Variants in EVI5L observed in about 807,000 individuals in gnomAD.
EVI5L encodes ecotropic viral integration site 5 like, also known as EVI5-like protein.
In EVI5L, 30 loss-of-function variants were observed where a neutral mutation model predicts 106.1. The observed-to-expected ratio is 0.28, with a 90% CI of 0.21 to 0.38. The LOEUF (loss-of-function observed/expected upper bound fraction) is 0.38. Ranked by LOEUF, EVI5L falls within the 10% of genes least tolerant of loss-of-function variation. EVI5L has a pLI of 1.00. For missense variants in EVI5L, 809 were observed against 1,098.0 expected, an observed-to-expected ratio of 0.74 and a Z score of 3.72; for synonymous variants, 489 against 483.3, an observed-to-expected ratio of 1.01 and a Z score of -0.15.
intron 13 of EVI5L, among the ~76,000 whole-genome samples, chr19:7,859,787 G>A (rs566953159): frequency 6.6e-6 from 1 of 152,370 alleles, no homozygotes; most frequent in South Asian, 2.1e-4. Flanking sequence ...CCCAAAGGGA[G>A]GCCACTGCAG....
chr19:7,863,443 C>T lies in EVI5L; in HGVS notation c.2159C>T (p.Pro720Leu). ...CCCCAGGTGCGGCTGCTGAAGGGCC[C>T]GCCGCCCTTCGAGGACCCGCTGGCT... ...LKAEVRLLKG[P>L]PPFEDPLAFD... The change falls in exon 20 of 20, where the codon CCG becomes CTG. Residue 720 changes from proline to leucine, a missense_variant. Coordinates refer to ENST00000538904, the MANE Select transcript of EVI5L (RefSeq NM_001159944.3). The surrounding 1 kb of genome is among the most constrained non-coding windows in gnomAD (Gnocchi z 7.7). The T allele has an allele frequency of 6.5e-7, 1 of 1,549,776 alleles. No homozygotes were observed. Among genetic ancestry groups the T allele is most frequent in the Non-Finnish European group, 8.7e-7 (1 of 1,148,134 alleles).
chr19:7,851,544 C>A lies in EVI5L; in HGVS notation c.864C>A (p.Val288=). ...TCCTGACCACCTTCCCACTCCCCGT[C>A]GCCACCCGGGTCTTTGACATCTTCA... ...TLFLTTFPLP[V]ATRVFDIFMY... The change falls in exon 7 of 20, where the codon GTC becomes GTA. Residue 288 remains valine (V), a synonymous_variant. Coordinates refer to ENST00000538904, the MANE Select transcript of EVI5L (RefSeq NM_001159944.3). 6.2e-7 allele frequency: 1 copy of A among 1,612,966 alleles called. No homozygotes were observed. The highest frequency in any genetic ancestry group is 8.5e-7 in the Non-Finnish European group (1 of 1,179,530).
At chr19:7,852,276 C>A (rs769138378) in intron 8 of EVI5L, among the ~76,000 whole-genome samples, 10 of 152,248 alleles carry the variant, frequency 6.6e-5, no homozygotes, top group African/African-American at 2.4e-4. Context: ...GCCCCCTCCC[C>A]GCGTCCTCCA....
chr19:7,839,884 G>A (rs1227729526), intron 1 of EVI5L, among the ~76,000 whole-genome samples: 3 of 151,960 alleles, frequency 2.0e-5, no homozygotes, highest in Admixed American at 2.0e-4. Context: ...CTGGGAAACA[G>A]AGCAAGACCT....
rs972384419 is a variant in EVI5L, at chr19:7,856,880, G to A, written c.1201-212G>A. 1.7e-5 allele frequency: 12 copies of A among 704,224 alleles called. No individual in the cohort carries two copies. Among genetic ancestry groups the A allele is most frequent in the African/African-American group, 1.4e-4 (8 of 57,274 alleles). 43.6% of individuals were successfully genotyped at this position (704,224 alleles called of 1,614,324 possible). On this transcript the variant is annotated intron_variant, in intron 11 of 19. Transcript: ENST00000538904. This position sits in a 1 kb window ranked among gnomAD's most constrained non-coding sequence, Gnocchi z 6.6. ...CACCCCCGACCTCCCCGCTCACACC[G>A]AACCCCTCTCCAGGACGGAGCTGGC...
rs181774862 is a variant in EVI5L, at chr19:7,855,039, G to A, written c.1147-976G>A. 2.3e-4 allele frequency among the ~76,000 whole-genome samples: 35 copies of A among 152,020 alleles called. No individual in the cohort carries two copies. In the East Asian group the frequency reaches 5.4e-3, roughly 24 times the overall value. ...CAAGCAAGGGGGCACAGGTACAGTC[G>A]AGATTCAACTCGTTTGCAAACCTCA... On this transcript the variant is annotated intron_variant, in intron 10 of 19. Coordinates refer to ENST00000538904, the MANE Select transcript of EVI5L (RefSeq NM_001159944.3).
In EVI5L at chr19:7,863,341, G is replaced by A. The variant is rs1417790296; in HGVS notation, c.2139+61G>A. 3.1e-5 allele frequency: 48 copies of A among 1,546,022 alleles called. No individual in the cohort carries two copies. The highest frequency in any genetic ancestry group is 4.0e-5 in the Non-Finnish European group (46 of 1,145,114). The stretch of plus-strand genomic sequence containing the variant: ...GTGTCGTCGGCCTGGGACGAGCCGA[G>A]CGCAGGTGCCTTGCGGAGGATGCGG... On this transcript the variant is annotated intron_variant, in intron 19 of 19. Transcript: ENST00000538904. This position sits in a 1 kb window ranked among gnomAD's most constrained non-coding sequence, Gnocchi z 7.7.
chr19:7,857,491 TGCACACACACACAC>T lies in EVI5L; in HGVS notation c.1233+378_1233+391del, dbSNP rs1316652579. 6 of 436,080 alleles carry T rather than the reference TGCACACACACACAC, an allele frequency of 1.4e-5. No individual in the cohort carries two copies. Among genetic ancestry groups the T allele is most frequent in the Non-Finnish European group, 2.6e-5 (6 of 235,016 alleles). 27.0% of individuals were successfully genotyped at this position (436,080 alleles called of 1,614,324 possible). ...TGCGGTCACACACACACACAACACA[TGCACACACACACAC>T]GCACACACACGCCCGGCCCTCACGC... On this transcript the variant is annotated intron_variant, in intron 12 of 19. Transcript: ENST00000538904. The surrounding 1 kb of genome is among the most constrained non-coding windows in gnomAD (Gnocchi z 4.5).
intron 1 of EVI5L, among the ~76,000 whole-genome samples, chr19:7,838,463 G>A (rs917374214): frequency 5.9e-5 from 9 of 152,306 alleles, no homozygotes; most frequent in South Asian, 2.1e-4. Context: ...AGACCACAGG[G>A]GTGAAGGGTC....
At chr19:7,853,477 A>G (rs1979364066) in intron 10 of EVI5L, 144 bp downstream of exon 10, 1 of 1,109,944 alleles carries the variant, frequency 9.0e-7, no homozygotes, top group Non-Finnish European at 1.3e-6. Flanking sequence ...GCCTCCGCCC[A>G]CCTGCGCCGT....
chr19:7,838,680 C>T (rs888327303), intron 1 of EVI5L, among the ~76,000 whole-genome samples: 11 of 152,074 alleles, frequency 7.2e-5, no homozygotes, highest in African/African-American at 2.7e-4. Context: ...TCAAATCGTG[C>T]ATGACCCTAG....
intron 1 of EVI5L, among the ~76,000 whole-genome samples, chr19:7,843,336 ATG>A (rs1257175636): frequency 6.2e-4 from 75 of 121,710 alleles, no homozygotes; most frequent in Admixed American, 1.7e-3. Context: ...TTGAGTGTGC[ATG>A]TGTGTGTATA....
chr19:7,857,031 G>C lies in EVI5L; in HGVS notation c.1201-61G>C. ...GGTTCTTGTCTGTCTCCCCTCTCCT[G>C]TCCCCGCGCCTTCCGCTCTGCCTCC... On this transcript the variant is annotated intron_variant, in intron 11 of 19. Coordinates refer to ENST00000538904, the MANE Select transcript of EVI5L (RefSeq NM_001159944.3). The surrounding 1 kb of genome is among the most constrained non-coding windows in gnomAD (Gnocchi z 4.5). 1 of 1,537,084 alleles carries C rather than the reference G, an allele frequency of 6.5e-7. No homozygotes were observed. The highest frequency in any genetic ancestry group is 8.8e-7 in the Non-Finnish European group (1 of 1,133,756).
chr19:7,842,624 C>T lies in EVI5L; in HGVS notation c.-47-3872C>T, dbSNP rs117470573. ...TGCATGGGTGTGTATCAAGTGTGTG[C>T]GTGTGTGAAAATATGTGAATGTGGG... On this transcript the variant is annotated intron_variant, in intron 1 of 19. Transcript: ENST00000538904. 9.3e-3 allele frequency among the ~76,000 whole-genome samples: 1,366 copies of T among 147,550 alleles called. 6 individuals are homozygous for T. Among genetic ancestry groups the T allele is most frequent in the Non-Finnish European group, 0.012 (796 of 66,794 alleles).
At position 7,835,172 on chromosome 19, in the gene EVI5L, AT is replaced by A. The variant is rs1454417535; in HGVS notation, c.-48+4793del. Among the ~76,000 whole-genome samples the A allele has an allele frequency of 4.6e-5, 7 of 151,774 alleles. No homozygotes were observed. Among genetic ancestry groups the A allele is most frequent in the Admixed American group, 1.3e-4 (2 of 15,208 alleles). On this transcript the variant is annotated intron_variant, in intron 1 of 19. Transcript: ENST00000538904. The surrounding 1 kb of genome is among the most constrained non-coding windows in gnomAD (Gnocchi z 4.1). The stretch of plus-strand genomic sequence containing the variant: ...ATAAAAATAAAAATAAACAAAAAAA[AT>A]TGAGGCAAAATACATCATACCCAAG...
At chr19:7,853,862 G>T (rs760675226) in intron 10 of EVI5L, among the ~76,000 whole-genome samples, 19 of 152,188 alleles carry the variant, frequency 1.2e-4, no homozygotes, top group Admixed American at 3.9e-4. Flanking sequence ...CTCACCCGGG[G>T]CCCCTGGTTC....
rs969298173 is a variant in EVI5L at position 7,835,681 on chromosome 19, G to A, written c.-48+5300G>A. 4.6e-5 allele frequency among the ~76,000 whole-genome samples: 7 copies of A among 152,170 alleles called. No individual in the cohort carries two copies. Among genetic ancestry groups the A allele is most frequent in the African/African-American group, 1.7e-4 (7 of 41,440 alleles). On this transcript the variant is annotated intron_variant, in intron 1 of 19. Transcript: ENST00000538904. The surrounding 1 kb of genome is among the most constrained non-coding windows in gnomAD (Gnocchi z 4.1). ...GGAGGAGCAGCTAGACTGGGCGCAA[G>A]AAGAGATCAGGCAGGGACCTCTGAA...
intron 10 of EVI5L, among the ~76,000 whole-genome samples, chr19:7,853,939 C>G (rs1979390891): frequency 6.6e-6 from 1 of 152,198 alleles, no homozygotes. Context: ...GCTTCTCTCT[C>G]CTTCCTTGCG....
intron 1 of EVI5L, among the ~76,000 whole-genome samples, chr19:7,844,877 G>A (rs1392147891): frequency 6.6e-6 from 1 of 152,108 alleles, no homozygotes; most frequent in Non-Finnish European, 1.5e-5. Flanking sequence ...AAAAAGAATG[G>A]CGCACCTCCC....
Sources: allele counts gnomAD v4.1 joint callset (sites outside exome capture counted in the v4.1 genomes callset), GRCh38; gene constraint gnomAD v4.1.1; non-coding constraint Gnocchi (gnomAD v3.1); transcripts MANE v1.5; gene names NCBI Gene and HGNC (gene_info 2026-07-23, HGNC 2026-07-21).